Variants in KCNH1 observed in about 807,000 individuals in gnomAD.
KCNH1 encodes voltage-gated delayed rectifier potassium channel KCNH1.
Under a neutral mutation model 69.2 loss-of-function variants are expected in KCNH1, and 27 were observed. That is an observed-to-expected ratio of 0.39 (90% CI 0.29 to 0.54). KCNH1 has a LOEUF of 0.54. KCNH1 is among the 20% of genes least tolerant of loss of function. The pLI, the probability that KCNH1 is intolerant of heterozygous loss-of-function variation, is 0.68. For missense variants in KCNH1, 798 were observed against 1,261.6 expected (o/e 0.63, Z 5.57); for synonymous variants, 456 against 487.7 (o/e 0.93, Z 0.86).
At chr1:210,868,749 C>T (rs1349683898) in intron 7 of KCNH1, among the ~76,000 whole-genome samples, 1 of 152,076 alleles carries the variant, frequency 6.6e-6, no homozygotes, top group Non-Finnish European at 1.5e-5. Flanking sequence ...TTAACTCCTA[C>T]CAACCACTAA....
intron 7 of KCNH1, among the ~76,000 whole-genome samples, chr1:210,905,110 G>A (rs1687075435): frequency 6.6e-6 from 1 of 152,122 alleles, no homozygotes; most frequent in South Asian, 2.1e-4. Flanking sequence ...GTGACTGTAG[G>A]GATCTGGACA....
chr1:210,910,482 G>T (rs982468676), intron 7 of KCNH1, among the ~76,000 whole-genome samples: 3 of 152,186 alleles, frequency 2.0e-5, no homozygotes, highest in Admixed American at 2.0e-4. Flanking sequence ...CCCACTATTT[G>T]GCAACAAGGG....
chr1:211,024,622 CT>C (rs767279065), intron 5 of KCNH1, among the ~76,000 whole-genome samples: 8 of 152,108 alleles, frequency 5.3e-5, no homozygotes, highest in Admixed American at 2.0e-4. Flanking sequence ...ATGCATGTTT[CT>C]AAAAGATCAC....
chr1:210,963,611 C>T (rs1688340559), intron 6 of KCNH1, among the ~76,000 whole-genome samples: 1 of 152,020 alleles, frequency 6.6e-6, no homozygotes, highest in East Asian at 1.9e-4. Flanking sequence ...CCTGATGGAA[C>T]TGAAAAACAC....
At chr1:210,728,167 A>G (rs1208322589) in intron 10 of KCNH1, among the ~76,000 whole-genome samples, 2 of 152,248 alleles carry the variant, frequency 1.3e-5, no homozygotes, top group Non-Finnish European at 2.9e-5. Context: ...GCTCTAAGCC[A>G]TAATGAATGT....
chr1:210,927,196 C>T (rs1687590084), intron 6 of KCNH1, among the ~76,000 whole-genome samples: 1 of 151,976 alleles, frequency 6.6e-6, no homozygotes, highest in East Asian at 1.9e-4. Flanking sequence ...ATCTAGACAT[C>T]CAAATAAAAG....
chr1:211,069,208 C>T (rs537483369), intron 5 of KCNH1, among the ~76,000 whole-genome samples: 135 of 152,200 alleles, frequency 8.9e-4, no homozygotes, highest in South Asian at 8.1e-3. Flanking sequence ...GAAAAGAACT[C>T]GTGAAATTCA....
At chr1:210,714,468 C>T (rs1303825999) in intron 10 of KCNH1, among the ~76,000 whole-genome samples, 1 of 152,140 alleles carries the variant, frequency 6.6e-6, no homozygotes, top group African/African-American at 2.4e-5. Context: ...AAGTTGTTAA[C>T]CTAAAATTCA....
At chr1:210,801,059 G>C (rs770945318) in intron 8 of KCNH1, among the ~76,000 whole-genome samples, 1 of 152,146 alleles carries the variant, frequency 6.6e-6, no homozygotes, top group Non-Finnish European at 1.5e-5. Context: ...CAATGCCTGT[G>C]AGCTCTCATT....
intron 10 of KCNH1, among the ~76,000 whole-genome samples, chr1:210,761,997 A>G (rs932394480): frequency 6.6e-6 from 1 of 152,182 alleles, no homozygotes; most frequent in Non-Finnish European, 1.5e-5. Flanking sequence ...GTGCTTGGTC[A>G]TACAGCAAGT....
chr1:210,843,692 G>A (rs2102456353), intron 7 of KCNH1, among the ~76,000 whole-genome samples: 1 of 152,250 alleles, frequency 6.6e-6, no homozygotes, highest in East Asian at 1.9e-4. Context: ...TGTGTAGAAA[G>A]GAGCACAGCA....
At chr1:210,827,348 A>G (rs1685054175) in intron 7 of KCNH1, among the ~76,000 whole-genome samples, 1 of 116,226 alleles carries the variant, frequency 8.6e-6, no homozygotes. Context: ...AGAAAAAGAA[A>G]AAGAAAAAAA....
chr1:211,098,909 A>C (rs1056048637), intron 3 of KCNH1, among the ~76,000 whole-genome samples: 3 of 152,246 alleles, frequency 2.0e-5, no homozygotes, highest in Non-Finnish European at 4.4e-5. Flanking sequence ...CTTGGAAATG[A>C]GTTCAGTTCT....
intron 1 of KCNH1, among the ~76,000 whole-genome samples, chr1:211,127,129 AT>A (rs1691790784): frequency 6.6e-6 from 1 of 152,190 alleles, no homozygotes; most frequent in Non-Finnish European, 1.5e-5. Context: ...AGCTGTACTC[AT>A]TTTGGTATTC....
At chr1:210,761,904 A>G (rs1683531727) in intron 10 of KCNH1, among the ~76,000 whole-genome samples, 1 of 152,206 alleles carries the variant, frequency 6.6e-6, no homozygotes, top group African/African-American at 2.4e-5. Context: ...GACTTAATAG[A>G]CATCTACAGA....
At chr1:211,016,058 T>A (rs181905736) in intron 6 of KCNH1, among the ~76,000 whole-genome samples, 1 of 152,340 alleles carries the variant, frequency 6.6e-6, no homozygotes, top group Non-Finnish European at 1.5e-5. Flanking sequence ...ACATTTTTCT[T>A]ATTAACCAAT....
At chr1:210,806,505 T>C (rs902090006) in intron 7 of KCNH1, among the ~76,000 whole-genome samples, 11 of 152,028 alleles carry the variant, frequency 7.2e-5, no homozygotes, top group Non-Finnish European at 1.3e-4. Context: ...GGTTGTGGTA[T>C]CATTTTTGGT....
At chr1:210,895,044 G>A (rs1360406281) in intron 7 of KCNH1, among the ~76,000 whole-genome samples, 1 of 152,074 alleles carries the variant, frequency 6.6e-6, no homozygotes, top group Admixed American at 6.6e-5. Flanking sequence ...GGTAATCATA[G>A]GGCTAACTTC....
chr1:210,905,210 CA>C (rs1687077144), intron 7 of KCNH1, among the ~76,000 whole-genome samples: 1 of 152,156 alleles, frequency 6.6e-6, no homozygotes, highest in Non-Finnish European at 1.5e-5. Flanking sequence ...TGATTTTAGG[CA>C]AATGACTTAT....
Sources: gnomAD v4.1 joint callset for allele counts (sites outside exome capture counted in the v4.1 genomes callset) on GRCh38, gnomAD v4.1.1 for gene constraint, MANE v1.5 for transcripts, NCBI Gene and HGNC (gene_info 2026-07-23, HGNC 2026-07-21) for gene names.